Variants in NFAT5 observed in about 807,000 individuals in gnomAD.
The protein encoded by NFAT5 is nuclear factor of activated T cells 5, also known as nuclear factor of activated T-cells 5.
Under a neutral mutation model 166.5 loss-of-function variants are expected in NFAT5, and 31 were observed. That is an observed-to-expected ratio of 0.19 (90% CI 0.14 to 0.25). The LOEUF (loss-of-function observed/expected upper bound fraction) is 0.25. Among genes scored for constraint, NFAT5 ranks in the 10% least tolerant of loss-of-function variants. The pLI, the probability that NFAT5 is intolerant of heterozygous loss-of-function variation, is 1.00. For missense variants in NFAT5, 1,449 were observed against 1,821.8 expected (o/e 0.80, Z 3.72); for synonymous variants, 612 against 639.7 (o/e 0.96, Z 0.65).
intron 3 of NFAT5, among the ~76,000 whole-genome samples, chr16:69,630,079 G>A (rs1186481700): frequency 1.3e-5 from 2 of 152,178 alleles, no homozygotes; most frequent in East Asian, 3.9e-4. Context: ...TGGGATTGCA[G>A]GTGCACGCCA....
chr16:69,653,805 C>G (rs761289033), intron 5 of NFAT5, among the ~76,000 whole-genome samples: 4 of 152,028 alleles, frequency 2.6e-5, no homozygotes, highest in Non-Finnish European at 5.9e-5. Context: ...CTCCTGATCT[C>G]AAGTGATCCT....
chr16:69,695,456 T>A, intron 14 of NFAT5, 77 bp downstream of exon 14: 1 of 988,162 alleles, frequency 1.0e-6, no homozygotes, highest in Non-Finnish European at 1.6e-6. Flanking sequence ...TAAGTAATAG[T>A]AGTTCTAATC....
chr16:69,663,746 A>G (rs2036248073), intron 7 of NFAT5, among the ~76,000 whole-genome samples: 1 of 151,980 alleles, frequency 6.6e-6, no homozygotes, highest in Admixed American at 6.6e-5. Context: ...GCGTGGTGGC[A>G]TGTCCCTGTA....
At chr16:69,645,477 G>A (rs888769716) in intron 3 of NFAT5, among the ~76,000 whole-genome samples, 1 of 151,974 alleles carries the variant, frequency 6.6e-6, no homozygotes, top group Non-Finnish European at 1.5e-5. Flanking sequence ...TTTTAGCCTT[G>A]ACAGTAATGA....
chr16:69,695,062 C>T, intron 13 of NFAT5, 74 bp from the exon 14 acceptor site: 1 of 1,055,216 alleles, frequency 9.5e-7, no homozygotes, highest in Non-Finnish European at 1.4e-6. Flanking sequence ...CTTTACTAAT[C>T]AGATAGCTTC....
chr16:69,666,481 AC>A lies in NFAT5; in HGVS notation c.1370-3495del, dbSNP rs2036386101. Among the ~76,000 whole-genome samples, 6 of 152,280 alleles carry A rather than the reference AC, an allele frequency of 3.9e-5. 1 individual carries two copies. Among genetic ancestry groups the A allele is most frequent in the African/African-American group, 1.4e-4 (6 of 41,554 alleles). ...ACTCAAACAGATTTACAAGAAAAAA[AC>A]AAACAACCCCATCAACAAGTGGGCG... On this transcript the variant is annotated intron_variant, in intron 7 of 14. Transcript: ENST00000349945.
intron 3 of NFAT5, among the ~76,000 whole-genome samples, chr16:69,640,032 C>T (rs545195366): frequency 6.6e-6 from 1 of 152,176 alleles, no homozygotes; most frequent in South Asian, 2.1e-4. Context: ...CTGTTTTAAT[C>T]ATGTAAATGA....
intron 3 of NFAT5, among the ~76,000 whole-genome samples, chr16:69,627,530 G>A (rs1033025924): frequency 6.6e-6 from 1 of 151,952 alleles, no homozygotes; most frequent in African/African-American, 2.4e-5. Flanking sequence ...TAAGGTTGTG[G>A]TTTAAATGAG....
At chr16:69,578,807 A>G (rs1161582501) in intron 2 of NFAT5, among the ~76,000 whole-genome samples, 1 of 152,192 alleles carries the variant, frequency 6.6e-6, no homozygotes. Context: ...TCAATATTCA[A>G]CTTATAAACA....
At chr16:69,591,024 T>G (rs1223531056) in intron 2 of NFAT5, among the ~76,000 whole-genome samples, 1 of 152,192 alleles carries the variant, frequency 6.6e-6, no homozygotes, top group Non-Finnish European at 1.5e-5. Context: ...CTTCGTCTCC[T>G]GGGTTCAAGC....
chr16:69,622,407 A>C (rs1169708696), intron 2 of NFAT5, among the ~76,000 whole-genome samples: 2 of 152,192 alleles, frequency 1.3e-5, no homozygotes, highest in African/African-American at 2.4e-5. Context: ...GTTAATCAGA[A>C]AACATCTTTG....
At chr16:69,626,307 C>T (rs1597425802) in intron 2 of NFAT5, 96 bp from the exon 3 acceptor site, 2 of 1,146,196 alleles carry the variant, frequency 1.7e-6, no homozygotes, top group East Asian at 5.6e-5. Flanking sequence ...TACAGTTCTC[C>T]TCATGAGAGA....
At chr16:69,642,590 G>A (rs920457694) in intron 3 of NFAT5, among the ~76,000 whole-genome samples, 1 of 152,082 alleles carries the variant, frequency 6.6e-6, no homozygotes. Flanking sequence ...GGAGGCTGAG[G>A]TGGGCAGAAC....
rs2037891084 is a variant in NFAT5 at position 69,701,144 on chromosome 16, T to C, written c.*4793T>C. 1 of 151,986 alleles carries C rather than the reference T, an allele frequency of 6.6e-6. No individual in the cohort carries two copies. Among genetic ancestry groups the C allele is most frequent in the Admixed American group, 6.6e-5 (1 of 15,244 alleles). The allele number at this position is 151,986 out of a possible 1,614,324, so 9.4% of individuals were successfully genotyped here. Reference sequence around the variant, plus strand: ...TGTATTTTTTTAGTAGAGATGGGGTTTTGCCATGTTGGCCAGGCTGGTTTC... The same window carrying C: ...TGTATTTTTTTAGTAGAGATGGGGTCTTGCCATGTTGGCCAGGCTGGTTTC... On this transcript the variant is annotated 3_prime_UTR_variant, in exon 15 of 15. Transcript: ENST00000349945.
chr16:69,594,133 G>A lies in NFAT5; in HGVS notation c.127+25585G>A, dbSNP rs116922073. ...ATACAGTCGTGTGTAACTTTATGAT[G>A]GGGTATGTTCTGAGAAATGCGTCAT... On this transcript the variant is annotated intron_variant, in intron 2 of 14. Coordinates refer to ENST00000349945, the MANE Select transcript of NFAT5 (RefSeq NM_138713.4). Among the ~76,000 whole-genome samples, 979 of 152,250 alleles carry A rather than the reference G, an allele frequency of 6.4e-3. 9 individuals are homozygous for A. The highest frequency in any genetic ancestry group is 0.015 in the South Asian group (70 of 4,818).
intron 7 of NFAT5, among the ~76,000 whole-genome samples, chr16:69,662,030 T>C (rs1303734037): frequency 2.0e-5 from 3 of 152,132 alleles, no homozygotes; most frequent in Non-Finnish European, 4.4e-5. Context: ...TCAGATTAGC[T>C]TGGGCAACAA....
intron 6 of NFAT5, among the ~76,000 whole-genome samples, chr16:69,658,623 T>C (rs2035993645): frequency 6.6e-6 from 1 of 151,622 alleles, no homozygotes. Flanking sequence ...GAGCCAGGAG[T>C]TCGAGACCAA....
chr16:69,675,816 T>A (rs1035934416), intron 9 of NFAT5, among the ~76,000 whole-genome samples: 7 of 152,232 alleles, frequency 4.6e-5, no homozygotes, highest in Admixed American at 2.0e-4. Context: ...ATTTTTTGTA[T>A]TTTTAGTAGA....
At position 69,670,023 on chromosome 16, in the gene NFAT5, C is replaced by G; in HGVS notation, c.1416C>G (p.Ser472Arg). ...AAATCTTAAAGAAAAGCTTGCATAG[C>G]TGTTCAGTGAAAGGAGAAGAAGAAG... ...VPEILKKSLH[S>R]CSVKGEEEVF... The change falls in exon 8 of 15, where the codon AGC becomes AGG. Residue 472 changes from serine (S) to arginine (R), a missense_variant. Physicochemically the swap from Ser to Arg is moderately radical, Grantham distance 110. Transcript: ENST00000349945. 1 of 1,612,346 alleles carries G rather than the reference C, an allele frequency of 6.2e-7. No individual in the cohort carries two copies. The highest frequency in any genetic ancestry group is 8.5e-7 in the Non-Finnish European group (1 of 1,179,420).
Sources: allele counts gnomAD v4.1 joint callset (sites outside exome capture counted in the v4.1 genomes callset), GRCh38; gene constraint gnomAD v4.1.1; transcripts MANE v1.5; gene names NCBI Gene and HGNC (gene_info 2026-07-23, HGNC 2026-07-21).